The following ADD3 variants were observed in gnomAD, a reference collection of about 807,000 sequenced individuals.
ADD3 encodes adducin 3.
A neutral mutation model predicts 80.2 loss-of-function variants in ADD3; 25 were observed. The ratio of observed to expected loss-of-function variants is 0.31; its 90% CI spans 0.23 to 0.44. ADD3 has a LOEUF of 0.44. ADD3 is among the 20% of genes least tolerant of loss of function. The probability of loss-of-function intolerance (pLI) is 1.00; values close to 1 mark genes in which losing one functional copy is unlikely to be tolerated. For missense variants in ADD3, 829 were observed against 847.5 expected, an observed-to-expected ratio of 0.98 and a Z score of 0.27; for synonymous variants, 284 against 289.6, an observed-to-expected ratio of 0.98 and a Z score of 0.20.
intron 1 of ADD3, among the ~76,000 whole-genome samples, chr10:110,020,390 C>T (rs1394784411): frequency 6.6e-6 from 1 of 152,028 alleles, no homozygotes; most frequent in African/African-American, 2.4e-5. Context: ...AGTGTTTGGG[C>T]GTAATTGCAG....
chr10:110,015,231 G>A (rs1164105732), intron 1 of ADD3, among the ~76,000 whole-genome samples: 2 of 152,102 alleles, frequency 1.3e-5, no homozygotes, highest in Non-Finnish European at 2.9e-5. Context: ...CAAAATAGAA[G>A]TGTGACAAAC....
Position 109,996,984 on chromosome 10 carries a change from G to T in ADD3, n.79+538G>T, listed in dbSNP as rs770075876. Among the ~76,000 whole-genome samples the T allele has an allele frequency of 1.1e-4, 16 of 152,120 alleles. 1 individual carries two copies. The highest frequency in any genetic ancestry group is 2.1e-4 in the Non-Finnish European group (14 of 68,026). The stretch of plus-strand genomic sequence containing the variant: ...TTTGAAAGCTTTACCTCTAACTATA[G>T]ATCACAAGGTTTTTATTGCTATGCC... On this transcript the variant is annotated intron_variant and non_coding_transcript_variant, in intron 1 of 5. Transcript: ENST00000468251.
rs758201176 is a variant in ADD3, at chr10:110,116,796, T to C, written c.486+386T>C. Among the ~76,000 whole-genome samples the C allele has an allele frequency of 1.1e-4, 17 of 152,250 alleles. 1 individual carries two copies. The highest frequency in any genetic ancestry group is 2.4e-4 in the Non-Finnish European group (16 of 68,040). On this transcript the variant is annotated intron_variant, in intron 4 of 14. Coordinates refer to ENST00000356080, the MANE Select transcript of ADD3 (RefSeq NM_016824.5). ...CTCCCTGGTCTTTATTTTTAAAATA[T>C]ATTCTTTCCATTCACCATCATATTT... is the stretch of plus-strand genomic sequence containing the variant.
chr10:110,015,999 TTA>T (rs1188415136), intron 1 of ADD3, among the ~76,000 whole-genome samples: 2 of 152,186 alleles, frequency 1.3e-5, no homozygotes, highest in Non-Finnish European at 2.9e-5. Flanking sequence ...TTAGATGATT[TTA>T]TATTGTTTGA....
chr10:110,031,807 C>G (rs1015155336), intron 1 of ADD3, among the ~76,000 whole-genome samples: 1 of 151,460 alleles, frequency 6.6e-6, no homozygotes, highest in Admixed American at 6.6e-5. Flanking sequence ...TTATCTAAAA[C>G]ATGATTTGGA....
chr10:110,072,953 C>G (rs1201386181), intron 1 of ADD3, among the ~76,000 whole-genome samples: 1 of 151,962 alleles, frequency 6.6e-6, no homozygotes, highest in African/African-American at 2.4e-5. Flanking sequence ...TTTTTTTCTC[C>G]CCTTGAGTTT....
At chr10:110,021,339 G>A (rs1853644112) in intron 1 of ADD3, among the ~76,000 whole-genome samples, 1 of 152,144 alleles carries the variant, frequency 6.6e-6, no homozygotes, top group African/African-American at 2.4e-5. Flanking sequence ...AATGGTAACG[G>A]TTTACGATCC....
At chr10:110,081,840 T>C (rs1269135507) in intron 1 of ADD3, among the ~76,000 whole-genome samples, 1 of 152,196 alleles carries the variant, frequency 6.6e-6, no homozygotes, top group Non-Finnish European at 1.5e-5. Flanking sequence ...ACTAAGGAAA[T>C]TCTTCATAGT....
At chr10:110,098,013 G>C (rs1848379605) in intron 1 of ADD3, among the ~76,000 whole-genome samples, 1 of 152,160 alleles carries the variant, frequency 6.6e-6, no homozygotes. Context: ...CTGACCTCAT[G>C]ATCTGGCCGC....
chr10:110,035,407 G>T lies in ADD3; in HGVS notation c.-30+27108G>T, dbSNP rs74672052. 9.4e-3 allele frequency among the ~76,000 whole-genome samples: 1,428 copies of T among 152,254 alleles called. 21 individuals are homozygous for T. The highest frequency in any genetic ancestry group is 0.029 in the African/African-American group (1,218 of 41,530). On this transcript the variant is annotated intron_variant, in intron 1 of 14. Transcript: ENST00000356080. Reference sequence around the variant, plus strand: ...TCACTAGAACAGCCTTTATTCTGAAGAATATTGCTTGGTGAGGAAGCCTAA... The same window carrying T: ...TCACTAGAACAGCCTTTATTCTGAATAATATTGCTTGGTGAGGAAGCCTAA...
At chr10:110,068,466 C>T (rs969596004) in intron 1 of ADD3, among the ~76,000 whole-genome samples, 1 of 152,136 alleles carries the variant, frequency 6.6e-6, no homozygotes, top group Non-Finnish European at 1.5e-5. Flanking sequence ...AGAGATGATT[C>T]AAAGTATTCA....
At chr10:110,059,164 A>T (rs1024653239) in intron 1 of ADD3, among the ~76,000 whole-genome samples, 2 of 134,490 alleles carry the variant, frequency 1.5e-5, no homozygotes, top group African/African-American at 4.9e-5. Context: ...ACTTTCAGAA[A>T]TGGAAAACTA....
Position 110,124,117 on chromosome 10 carries a change from T to G in ADD3, c.1244T>G (p.Phe415Cys), listed in dbSNP as rs755460336. 6.2e-7 allele frequency: 1 copy of G among 1,614,160 alleles called. No individual in the cohort carries two copies. The highest frequency in any genetic ancestry group is 8.5e-7 in the Non-Finnish European group (1 of 1,180,000). Residue 415 changes from phenylalanine to cysteine, a missense_variant, in exon 10 of 15, where the codon TTT becomes TGT. Phe to Cys is a radical substitution (Grantham distance 205, BLOSUM62 -2). Transcript: ENST00000356080. The part of the protein sequence containing the change: ...EIPATVTAFS[F>C]EDDTVPLSPL... ...CCAGCAACTGTGACTGCTTTTTCCT[T>G]TGAAGACGATACAGTGCCACTCTCT...
intron 1 of ADD3, among the ~76,000 whole-genome samples, chr10:110,059,507 A>G (rs1449866852): frequency 6.6e-6 from 1 of 151,906 alleles, no homozygotes; most frequent in Non-Finnish European, 1.5e-5. Context: ...AGGTGTCTGT[A>G]ATCCCAGCAC....
chr10:110,067,664 G>A (rs546912026), intron 1 of ADD3, among the ~76,000 whole-genome samples: 1 of 152,272 alleles, frequency 6.6e-6, no homozygotes, highest in Non-Finnish European at 1.5e-5. Context: ...CCCAAAATTC[G>A]TGTCAGTGTA....
chr10:110,059,822 G>A (rs1301283912), intron 1 of ADD3, among the ~76,000 whole-genome samples: 12 of 152,130 alleles, frequency 7.9e-5, no homozygotes, highest in Admixed American at 5.2e-4. Flanking sequence ...ATTTCTCAAA[G>A]GCCAAAGTTG....
chr10:110,087,963 G>A (rs1847006874), intron 1 of ADD3, among the ~76,000 whole-genome samples: 1 of 152,050 alleles, frequency 6.6e-6, no homozygotes, highest in African/African-American at 2.4e-5. Context: ...GCCCCTCCCC[G>A]GGCTTCTCAT....
intron 3 of ADD3, among the ~76,000 whole-genome samples, chr10:110,113,845 A>G (rs1055538377): frequency 2.6e-5 from 4 of 152,226 alleles, no homozygotes; most frequent in African/African-American, 9.6e-5. Context: ...TGCATTGCCA[A>G]GACATTGCAG....
chr10:110,125,681 GAAA>G, intron 10 of ADD3, 142 bp from the exon 11 acceptor site: 1 of 469,080 alleles, frequency 2.1e-6, no homozygotes, highest in African/African-American at 2.0e-5. Flanking sequence ...AGTATGAGAT[GAAA>G]CTAATTCACC....
Sources: allele counts gnomAD v4.1 joint callset (sites outside exome capture counted in the v4.1 genomes callset), GRCh38; gene constraint gnomAD v4.1.1; transcripts MANE v1.5; gene names NCBI Gene and HGNC (gene_info 2026-07-23, HGNC 2026-07-21).